Variants in GRID2 observed in about 807,000 individuals in gnomAD.
GRID2 encodes glutamate receptor ionotropic, delta-2.
A neutral mutation model predicts 114.8 loss-of-function variants in GRID2; 33 were observed. The observed-to-expected ratio is 0.29, with a 90% CI of 0.22 to 0.38. The LOEUF (loss-of-function observed/expected upper bound fraction) is 0.38, where lower values mean the gene tolerates loss of function less well. GRID2 is among the 10% of genes least tolerant of loss of function. The pLI is 1.00. For synonymous variants in GRID2, 505 were observed against 449.9 expected (o/e 1.12, Z -1.55); for missense variants, 1,184 against 1,257.7 (o/e 0.94, Z 0.89).
At chr4:92,699,726 A>G (rs1199741353) in intron 2 of GRID2, among the ~76,000 whole-genome samples, 1 of 152,106 alleles carries the variant, frequency 6.6e-6, no homozygotes, top group African/African-American at 2.4e-5. Context: ...TCATCTTTAT[A>G]TATGTTTTAT....
chr4:92,685,519 A>G (rs1733855907), intron 2 of GRID2, among the ~76,000 whole-genome samples: 2 of 152,098 alleles, frequency 1.3e-5, no homozygotes. Flanking sequence ...AAAGTTTTAG[A>G]AAACTTAATC....
chr4:93,709,153 CTG>C (rs1401113422), intron 14 of GRID2, among the ~76,000 whole-genome samples: 1 of 152,068 alleles, frequency 6.6e-6, no homozygotes, highest in African/African-American at 2.4e-5. Flanking sequence ...TTATAATATT[CTG>C]TGTTTGTGTA....
intron 4 of GRID2, among the ~76,000 whole-genome samples, chr4:93,115,525 G>A (rs1272043045): frequency 2.0e-5 from 3 of 151,876 alleles, no homozygotes; most frequent in African/African-American, 2.4e-5. Context: ...TGAGACATAC[G>A]ATGTGTTCCT....
intron 2 of GRID2, among the ~76,000 whole-genome samples, chr4:92,719,726 A>AG (rs922079311): frequency 2.6e-5 from 4 of 152,070 alleles, no homozygotes; most frequent in African/African-American, 7.2e-5. Context: ...TGAGAACTAC[A>AG]GGGGGGAGAA....
At chr4:93,754,302 TTTTTCATCACAACTACAGAAAA>T in intron 14 of GRID2, among the ~76,000 whole-genome samples, 1 of 152,166 alleles carries the variant, frequency 6.6e-6, no homozygotes, top group East Asian at 1.9e-4. Context: ...CAAGTCCTCT[TTTTTCATCACAACTACAGAAAA>T]ATTACTTCAA....
chr4:93,807,072 G>A (rs532654320), exon 2 of GRID2: 36 of 152,408 alleles, frequency 2.4e-4, no homozygotes, highest in African/African-American at 8.2e-4. Context: ...AGTAACGACA[G>A]GACTGCTGCT....
intron 14 of GRID2, among the ~76,000 whole-genome samples, chr4:93,627,281 A>G (rs2149691660): frequency 6.6e-6 from 1 of 152,344 alleles, no homozygotes; most frequent in African/African-American, 2.4e-5. Context: ...GGACAGTTCC[A>G]GATAGTACTA....
intron 1 of GRID2, among the ~76,000 whole-genome samples, chr4:92,411,064 A>AGG (rs1217873419): frequency 6.6e-6 from 1 of 152,156 alleles, no homozygotes; most frequent in African/African-American, 2.4e-5. Context: ...GATATGTAGC[A>AGG]CTTGAAGAAG....
intron 11 of GRID2, among the ~76,000 whole-genome samples, chr4:93,456,199 C>G (rs916272479): frequency 1.3e-5 from 2 of 152,082 alleles, no homozygotes; most frequent in Non-Finnish European, 2.9e-5. Context: ...AGTTTAATTT[C>G]ATCAACAAAG....
intron 2 of GRID2, among the ~76,000 whole-genome samples, chr4:92,983,339 T>C (rs1389075503): frequency 1.3e-5 from 2 of 152,018 alleles, no homozygotes; most frequent in Non-Finnish European, 2.9e-5. Context: ...GTCAGTTCCA[T>C]TTTTAAGTGC....
chr4:93,313,260 G>A (rs1756219976), intron 8 of GRID2, among the ~76,000 whole-genome samples: 1 of 152,156 alleles, frequency 6.6e-6, no homozygotes, highest in African/African-American at 2.4e-5. Flanking sequence ...TAAGGGAGCA[G>A]AGAGAACTGC....
At chr4:92,688,165 T>C (rs1404798351) in intron 2 of GRID2, among the ~76,000 whole-genome samples, 1 of 146,346 alleles carries the variant, frequency 6.8e-6, no homozygotes, top group Non-Finnish European at 1.5e-5. Context: ...TTCTCCTGCC[T>C]CAGCCTCCTG....
At chr4:93,668,769 G>A (rs1403692571) in intron 14 of GRID2, among the ~76,000 whole-genome samples, 1 of 152,028 alleles carries the variant, frequency 6.6e-6, no homozygotes. Flanking sequence ...ATTTAAAGCA[G>A]AGAGTTTTGA....
chr4:92,711,076 A>G lies in GRID2; in HGVS notation c.244+120790A>G, dbSNP rs531290706. 1.4e-4 allele frequency among the ~76,000 whole-genome samples: 22 copies of G among 152,258 alleles called. No homozygotes were observed. The South Asian group carries it at 4.6e-3, about 32-fold the overall frequency. On this transcript the variant is annotated intron_variant, in intron 2 of 15. Coordinates refer to ENST00000282020, the MANE Select transcript of GRID2 (RefSeq NM_001510.4). ...ACTATTTAGTGGTAATCCCACTATTAAAGTATTTATTTCTAAGTTAATGTA... is the reference window on the plus strand; with the variant it reads ...ACTATTTAGTGGTAATCCCACTATTGAAGTATTTATTTCTAAGTTAATGTA...
intron 2 of GRID2, among the ~76,000 whole-genome samples, chr4:92,700,670 A>G (rs141702846): frequency 6.6e-6 from 1 of 152,280 alleles, no homozygotes; most frequent in Non-Finnish European, 1.5e-5. Context: ...ATGAGGCATC[A>G]TTTGAATTTC....
chr4:92,954,394 G>T (rs928250344), intron 2 of GRID2, among the ~76,000 whole-genome samples: 3 of 151,894 alleles, frequency 2.0e-5, no homozygotes, highest in African/African-American at 4.8e-5. Flanking sequence ...GGGATAAGGA[G>T]TATAACACTG....
chr4:92,510,367 C>T (rs1454824568), intron 1 of GRID2, among the ~76,000 whole-genome samples: 1 of 151,896 alleles, frequency 6.6e-6, no homozygotes, highest in Non-Finnish European at 1.5e-5. Context: ...ATCCATTAGA[C>T]ATCTGATTAT....
intron 8 of GRID2, among the ~76,000 whole-genome samples, chr4:93,338,427 T>C (rs6532404): frequency 0.25 from 38,440 of 152,104 alleles, 8,154 homozygotes; most frequent in African/African-American, 0.58. Context: ...TGCAGTAGCA[T>C]TCCATTGCAT....
At position 93,262,757 on chromosome 4, in the gene GRID2, A is replaced by G. The variant is rs1750387634; in HGVS notation, c.1245+24267A>G. Among the ~76,000 whole-genome samples the G allele has an allele frequency of 2.6e-5, 4 of 151,804 alleles. No homozygotes were observed. The South Asian group carries it at 8.3e-4, about 32-fold the overall frequency. ...TTTAACTTACGCAAATATTCCAATAACTCTTCATTTTTTGGCCTTTTCCAT... is the reference window on the plus strand; with the variant it reads ...TTTAACTTACGCAAATATTCCAATAGCTCTTCATTTTTTGGCCTTTTCCAT... On this transcript the variant is annotated intron_variant, in intron 8 of 15. Coordinates refer to ENST00000282020, the MANE Select transcript of GRID2 (RefSeq NM_001510.4).
Sources: gnomAD v4.1 joint callset for allele counts (sites outside exome capture counted in the v4.1 genomes callset) on GRCh38, gnomAD v4.1.1 for gene constraint, MANE v1.5 for transcripts, NCBI Gene and HGNC (gene_info 2026-07-23, HGNC 2026-07-21) for gene names.